TNIK: variants seen among roughly 807,000 people sequenced by gnomAD.
The protein encoded by TNIK is TRAF2 and NCK-interacting protein kinase.
A neutral mutation model predicts 191.3 loss-of-function variants in TNIK; 49 were observed. The ratio of observed to expected loss-of-function variants is 0.26; its 90% CI spans 0.20 to 0.32. The LOEUF is 0.32. Ranked by LOEUF, TNIK falls within the 10% of genes least tolerant of loss-of-function variation. TNIK has a pLI of 1.00. For synonymous variants in TNIK, 594 were observed against 600.9 expected, an observed-to-expected ratio of 0.99 and a Z score of 0.17; for missense variants, 1,155 against 1,702.3, an observed-to-expected ratio of 0.68 and a Z score of 5.66.
At chr3:171,199,521 G>A (rs551484310) in intron 4 of TNIK, among the ~76,000 whole-genome samples, 15 of 152,180 alleles carry the variant, frequency 9.9e-5, no homozygotes, top group East Asian at 1.9e-4. Flanking sequence ...TGGGTGAAGC[G>A]ATTTACAAAT....
At chr3:171,315,330 A>C (rs1185092920) in intron 2 of TNIK, among the ~76,000 whole-genome samples, 1 of 152,144 alleles carries the variant, frequency 6.6e-6, no homozygotes, top group African/African-American at 2.4e-5. Context: ...GTTAATAGAC[A>C]ACTGAAATGG....
chr3:171,108,757 G>A (rs937052034), intron 19 of TNIK, among the ~76,000 whole-genome samples: 1 of 152,192 alleles, frequency 6.6e-6, no homozygotes, highest in Non-Finnish European at 1.5e-5. Flanking sequence ...TTGGAGATGG[G>A]AGTGGTCTCA....
intron 21 of TNIK, among the ~76,000 whole-genome samples, chr3:171,102,546 G>T (rs1362573904): frequency 6.6e-6 from 1 of 152,124 alleles, no homozygotes; most frequent in East Asian, 1.9e-4. Context: ...CAAAAGCATG[G>T]CCGCTCTAAT....
At position 171,082,339 on chromosome 3, in the gene TNIK, C is replaced by A. The variant is rs55899038; in HGVS notation, c.3225G>T (p.Gly1075=). The A allele has an allele frequency of 6.2e-7, 1 of 1,613,870 alleles. No individual in the cohort carries two copies. Among genetic ancestry groups the A allele is most frequent in the Admixed American group, 1.7e-5 (1 of 60,014 alleles). ...ENGLMLLDRS[G]QGKVYNLINR... is the part of the protein sequence containing the mutation. ...TGATCAGATTATAGACTTTGCCTTG[C>A]CCACTTCGGTCCAAAAGCATCAGGC... The change falls in exon 27 of 33, where the codon GGG becomes GGT. Residue 1075 remains glycine, a synonymous_variant. Coordinates refer to ENST00000436636, the MANE Select transcript of TNIK (RefSeq NM_015028.4).
At chr3:171,446,889 T>G (rs938588161) in intron 1 of TNIK, among the ~76,000 whole-genome samples, 1 of 152,172 alleles carries the variant, frequency 6.6e-6, no homozygotes, top group South Asian at 2.1e-4. Context: ...CCAGAAAGAA[T>G]GACAGTTTAA....
chr3:171,161,921 A>AAAT (rs1369946183), intron 10 of TNIK, among the ~76,000 whole-genome samples: 2 of 152,110 alleles, frequency 1.3e-5, no homozygotes, highest in African/African-American at 4.8e-5. Flanking sequence ...CCCTGTCTCA[A>AAAT]AATAATAATA....
At chr3:171,258,545 A>G (rs930882302) in intron 2 of TNIK, among the ~76,000 whole-genome samples, 26 of 152,238 alleles carry the variant, frequency 1.7e-4, no homozygotes, top group Admixed American at 1.4e-3. Context: ...GCCTGTAGCA[A>G]CTACATAAGG....
Position 171,304,288 on chromosome 3 carries a change from T to C in TNIK, c.123+65332A>G, listed in dbSNP as rs1253294651. 2.6e-5 allele frequency among the ~76,000 whole-genome samples: 4 copies of C among 151,870 alleles called. No homozygotes were observed. In the East Asian group the frequency reaches 7.7e-4, roughly 29 times the overall value. On this transcript the variant is annotated intron_variant, in intron 2 of 32. Coordinates refer to ENST00000436636, the MANE Select transcript of TNIK (RefSeq NM_015028.4). ...AAATGGGGCCATTCCATCAGAGAAATGCAAATCAAAACCACAATGAGATAC... is the reference window on the plus strand; with the variant it reads ...AAATGGGGCCATTCCATCAGAGAAACGCAAATCAAAACCACAATGAGATAC...
chr3:171,222,671 G>A (rs997663236), intron 3 of TNIK, among the ~76,000 whole-genome samples: 78 of 152,044 alleles, frequency 5.1e-4, no homozygotes, highest in Non-Finnish European at 1.6e-4. Context: ...CTTTAATAAT[G>A]GGCAAAACAG....
At chr3:171,073,900 C>T (rs1168429276) in intron 28 of TNIK, among the ~76,000 whole-genome samples, 1 of 151,170 alleles carries the variant, frequency 6.6e-6, no homozygotes, top group Non-Finnish European at 1.5e-5. Context: ...AATGCTTATA[C>T]ACTGTTGGTA....
chr3:171,129,380 G>A (rs1307457458), intron 15 of TNIK, among the ~76,000 whole-genome samples: 2 of 152,202 alleles, frequency 1.3e-5, no homozygotes, highest in African/African-American at 4.8e-5. Context: ...CCTACTGATA[G>A]ACAAGTGGGT....
chr3:171,306,571 C>T (rs1490582797), intron 2 of TNIK, among the ~76,000 whole-genome samples: 4 of 152,076 alleles, frequency 2.6e-5, no homozygotes, highest in Non-Finnish European at 2.9e-5. Flanking sequence ...AAAAACTAAG[C>T]AAATGAAATT....
At chr3:171,421,520 G>C (rs1245026869) in intron 1 of TNIK, among the ~76,000 whole-genome samples, 1 of 152,004 alleles carries the variant, frequency 6.6e-6, no homozygotes, top group Non-Finnish European at 1.5e-5. Context: ...AGCCCTTTTG[G>C]GTGTGGGTGC....
chr3:171,410,429 A>G (rs1201474299), intron 1 of TNIK, among the ~76,000 whole-genome samples: 3 of 152,170 alleles, frequency 2.0e-5, no homozygotes, highest in Non-Finnish European at 4.4e-5. Context: ...CAGAGTAATC[A>G]GCTCCTTGCA....
chr3:171,294,569 A>T (rs1752049218), intron 2 of TNIK, among the ~76,000 whole-genome samples: 1 of 151,726 alleles, frequency 6.6e-6, no homozygotes, highest in Admixed American at 6.6e-5. Flanking sequence ...AAAAATACAT[A>T]AATTAGCCAG....
intron 3 of TNIK, among the ~76,000 whole-genome samples, chr3:171,218,973 TTA>T (rs1741848226): frequency 7.7e-6 from 1 of 129,450 alleles, no homozygotes; most frequent in Admixed American, 8.6e-5. Flanking sequence ...ATATTTATAT[TTA>T]TATTTATATT....
chr3:171,367,438 T>C (rs1417786526), intron 2 of TNIK, among the ~76,000 whole-genome samples: 2 of 143,758 alleles, frequency 1.4e-5, no homozygotes, highest in African/African-American at 2.6e-5. Flanking sequence ...TATAATTCTT[T>C]AAGTAAATCA....
chr3:171,207,574 G>A (rs1031314678), intron 4 of TNIK, among the ~76,000 whole-genome samples: 1 of 152,088 alleles, frequency 6.6e-6, no homozygotes, highest in South Asian at 2.1e-4. Flanking sequence ...CGTTTTCCTT[G>A]AGGTGGCAGT....
chr3:171,327,841 A>T (rs1335609633), intron 2 of TNIK, among the ~76,000 whole-genome samples: 1 of 146,012 alleles, frequency 6.8e-6, no homozygotes, highest in Non-Finnish European at 1.5e-5. Flanking sequence ...CCATTGTTCT[A>T]TATTACATAG....
Sources: allele counts gnomAD v4.1 joint callset (sites outside exome capture counted in the v4.1 genomes callset), GRCh38; gene constraint gnomAD v4.1.1; transcripts MANE v1.5; gene names NCBI Gene and HGNC (gene_info 2026-07-23, HGNC 2026-07-21).